The following ST6GALNAC3 variants were observed in gnomAD, a reference collection of about 807,000 sequenced individuals.
The protein encoded by ST6GALNAC3 is ST6 N-acetylgalactosaminide alpha-2,6-sialyltransferase 3, also known as alpha-N-acetylgalactosaminide alpha-2,6-sialyltransferase 3.
In ST6GALNAC3, 25 loss-of-function variants were observed where a neutral mutation model predicts 32.7. That is an observed-to-expected ratio of 0.76 (90% CI 0.56 to 1.07). The LOEUF is 1.07. Ranked by LOEUF, ST6GALNAC3 falls within the 50% of genes least tolerant of loss-of-function variation. The pLI is 0.00. For missense variants in ST6GALNAC3, 355 were observed against 382.4 expected, an observed-to-expected ratio of 0.93 and a Z score of 0.60; for synonymous variants, 129 against 133.1, an observed-to-expected ratio of 0.97 and a Z score of 0.21.
At chr1:76,436,510 GT>G (rs1656155740) in intron 3 of ST6GALNAC3, among the ~76,000 whole-genome samples, 1 of 152,066 alleles carries the variant, frequency 6.6e-6, no homozygotes. Context: ...TTTTTTACCT[GT>G]TTGTGGTGCA....
chr1:76,305,847 A>G, intron 1 of ST6GALNAC3: 1 of 510,026 alleles, frequency 2.0e-6, no homozygotes, highest in Non-Finnish European at 3.9e-6. Flanking sequence ...AGTGAGATGA[A>G]GTGACTGCCC....
chr1:76,275,073 A>T (rs1557744886), intron 1 of ST6GALNAC3, among the ~76,000 whole-genome samples: 1 of 152,206 alleles, frequency 6.6e-6, no homozygotes, highest in Admixed American at 6.5e-5. Context: ...AAGATGTGTT[A>T]AGTGCAATTC....
At chr1:76,123,368 G>C (rs1649016111) in intron 1 of ST6GALNAC3, among the ~76,000 whole-genome samples, 1 of 147,550 alleles carries the variant, frequency 6.8e-6, no homozygotes, top group African/African-American at 2.5e-5. Flanking sequence ...GACAGAGCGA[G>C]GCTCCATCTC....
chr1:76,631,522 G>A lies in ST6GALNAC3; in HGVS notation c.*2716G>A, dbSNP rs1311712351. The A allele has an allele frequency of 6.6e-6, 1 of 151,928 alleles. No individual in the cohort carries two copies. Among genetic ancestry groups the A allele is most frequent in the African/African-American group, 2.4e-5 (1 of 41,380 alleles). 9.4% of individuals were successfully genotyped at this position (151,928 alleles called of 1,614,324 possible). A position where few individuals can be genotyped will look rare whatever the true frequency, so the allele number is the denominator to read the frequency against. On this transcript the variant is annotated 3_prime_UTR_variant, in exon 5 of 5. Coordinates refer to ENST00000328299, the MANE Select transcript of ST6GALNAC3 (RefSeq NM_152996.4). Reference sequence around the variant, plus strand: ...ATGATTTGCTGATAGAGAAGAGCTTGGTAAGGGAGCAATTCAAGGAAACTA... The same window carrying A: ...ATGATTTGCTGATAGAGAAGAGCTTAGTAAGGGAGCAATTCAAGGAAACTA...
chr1:76,551,677 A>T (rs752809979), intron 3 of ST6GALNAC3, among the ~76,000 whole-genome samples: 7 of 152,214 alleles, frequency 4.6e-5, no homozygotes, highest in Non-Finnish European at 8.8e-5. Flanking sequence ...TGTGTTGGTA[A>T]CATTTCAAGT....
intron 1 of ST6GALNAC3, among the ~76,000 whole-genome samples, chr1:76,210,741 T>C (rs1436182175): frequency 1.3e-5 from 2 of 152,084 alleles, no homozygotes; most frequent in Non-Finnish European, 2.9e-5. Context: ...ATTCCTACTG[T>C]CTCTTCCTCT....
chr1:76,180,635 A>G (rs1653118024), intron 1 of ST6GALNAC3, among the ~76,000 whole-genome samples: 1 of 152,214 alleles, frequency 6.6e-6, no homozygotes, highest in South Asian at 2.1e-4. Flanking sequence ...GAAGACGAGC[A>G]GATGAGCAGA....
At chr1:76,151,961 C>T (rs531556667) in intron 1 of ST6GALNAC3, among the ~76,000 whole-genome samples, 1 of 152,234 alleles carries the variant, frequency 6.6e-6, no homozygotes, top group Non-Finnish European at 1.5e-5. Context: ...GCTGCAGTGC[C>T]CTTTCCACTT....
intron 3 of ST6GALNAC3, among the ~76,000 whole-genome samples, chr1:76,432,443 CTTTTTTT>C (rs35527607): frequency 3.5e-5 from 2 of 57,150 alleles, no homozygotes; most frequent in Non-Finnish European, 6.3e-5. Flanking sequence ...CCTTTATTGC[CTTTTTTT>C]TTTTTTTTTT....
At position 76,173,320 on chromosome 1, in the gene ST6GALNAC3, A is replaced by G. The variant is rs541723038; in HGVS notation, c.18+98436A>G. ...AAGCTGGACCCCTTCCTTACACCTTATACAAAAATTCACTCAAGATGGATT... is the reference window on the plus strand; with the variant it reads ...AAGCTGGACCCCTTCCTTACACCTTGTACAAAAATTCACTCAAGATGGATT... On this transcript the variant is annotated intron_variant, in intron 1 of 4. Coordinates refer to ENST00000328299, the MANE Select transcript of ST6GALNAC3 (RefSeq NM_152996.4). Among the ~76,000 whole-genome samples, 106 of 152,368 alleles carry G rather than the reference A, an allele frequency of 7.0e-4. 1 individual carries two copies. The highest frequency in any genetic ancestry group is 1.2e-3 in the Non-Finnish European group (85 of 68,022).
At chr1:76,276,531 T>C (rs909426428) in intron 1 of ST6GALNAC3, among the ~76,000 whole-genome samples, 1 of 152,164 alleles carries the variant, frequency 6.6e-6, no homozygotes, top group African/African-American at 2.4e-5. Context: ...TAGTATTCCA[T>C]TGTGTGATTA....
At chr1:76,487,583 AT>A (rs1449046630) in intron 3 of ST6GALNAC3, among the ~76,000 whole-genome samples, 1 of 152,124 alleles carries the variant, frequency 6.6e-6, no homozygotes, top group Non-Finnish European at 1.5e-5. Context: ...CCATCAGGTC[AT>A]TTAAGGACTT....
Position 76,592,910 on chromosome 1 carries a change from G to T in ST6GALNAC3, c.624-34542G>T, listed in dbSNP as rs143582915. On this transcript the variant is annotated intron_variant, in intron 3 of 4. Coordinates refer to ENST00000328299, the MANE Select transcript of ST6GALNAC3 (RefSeq NM_152996.4). ...GGTGGGGAGTGAAAAATCTTACAGAGAAGCCAAAGACTATTTTATACAAAT... is the reference window on the plus strand; with the variant it reads ...GGTGGGGAGTGAAAAATCTTACAGATAAGCCAAAGACTATTTTATACAAAT... 4.2e-3 allele frequency among the ~76,000 whole-genome samples: 634 copies of T among 152,284 alleles called. 3 individuals are homozygous for T. Among genetic ancestry groups the T allele is most frequent in the African/African-American group, 0.014 (597 of 41,560 alleles).
intron 1 of ST6GALNAC3, among the ~76,000 whole-genome samples, chr1:76,150,971 T>G (rs1432036807): frequency 1.3e-5 from 2 of 152,182 alleles, no homozygotes; most frequent in African/African-American, 2.4e-5. Context: ...TTTCAACTAC[T>G]TGGACTCTGA....
intron 1 of ST6GALNAC3, among the ~76,000 whole-genome samples, chr1:76,138,535 G>A (rs1391370711): frequency 1.3e-5 from 2 of 152,144 alleles, no homozygotes; most frequent in African/African-American, 4.8e-5. Context: ...ACTCTGCATC[G>A]CTGCAGTTCC....
intron 3 of ST6GALNAC3, among the ~76,000 whole-genome samples, chr1:76,588,705 C>G (rs879476347): frequency 5.3e-5 from 8 of 152,140 alleles, no homozygotes; most frequent in Non-Finnish European, 8.8e-5. Context: ...GAGAAGTCAC[C>G]GTATTTCTCC....
intron 1 of ST6GALNAC3, among the ~76,000 whole-genome samples, chr1:76,161,616 C>T (rs1049438891): frequency 3.3e-5 from 5 of 152,106 alleles, no homozygotes; most frequent in African/African-American, 9.7e-5. Flanking sequence ...GCAGATGGGC[C>T]GATGCTGATG....
chr1:76,408,968 CTAAGAG>C (rs1484714090), intron 2 of ST6GALNAC3, among the ~76,000 whole-genome samples: 1 of 152,064 alleles, frequency 6.6e-6, no homozygotes, highest in African/African-American at 2.4e-5. Context: ...GAGGACTCAG[CTAAGAG>C]TAATGGATGT....
At position 76,441,520 on chromosome 1, in the gene ST6GALNAC3, G is replaced by A. The variant is rs192176420; in HGVS notation, c.623+29103G>A. Reference sequence around the variant, plus strand: ...AGAGATAGTAGATGTACATATTTATGGGGTACATGAGATGTTTTGATTCAG... The same window carrying A: ...AGAGATAGTAGATGTACATATTTATAGGGTACATGAGATGTTTTGATTCAG... On this transcript the variant is annotated intron_variant, in intron 3 of 4. Coordinates refer to ENST00000328299, the MANE Select transcript of ST6GALNAC3 (RefSeq NM_152996.4). 1.5e-3 allele frequency among the ~76,000 whole-genome samples: 231 copies of A among 152,046 alleles called. 2 individuals are homozygous for A. The highest frequency in any genetic ancestry group is 5.4e-3 in the African/African-American group (225 of 41,484).
Sources: allele counts gnomAD v4.1 joint callset (sites outside exome capture counted in the v4.1 genomes callset), GRCh38; gene constraint gnomAD v4.1.1; transcripts MANE v1.5; gene names NCBI Gene and HGNC (gene_info 2026-07-23, HGNC 2026-07-21).